The following USHBP1 variants were observed in gnomAD, a reference collection of about 807,000 sequenced individuals.
The protein encoded by USHBP1 is harmonin-binding protein USHBP1.
Under a neutral mutation model 76.2 loss-of-function variants are expected in USHBP1, and 67 were observed. That is an observed-to-expected ratio of 0.88 (90% CI 0.72 to 1.08). The LOEUF is 1.08. Ranked by LOEUF, USHBP1 falls within the 50% of genes least tolerant of loss-of-function variation. The probability of loss-of-function intolerance (pLI) is 0.00; values close to 1 mark genes in which losing one functional copy is unlikely to be tolerated. For synonymous variants in USHBP1, 322 were observed against 362.2 expected (o/e 0.89, Z 1.26); for missense variants, 931 against 915.0 (o/e 1.02, Z -0.23).
At chr19:17,255,755 C>T (rs983567571) in intron 9 of USHBP1, 149 bp from the exon 10 acceptor site, 32 of 838,008 alleles carry the variant, frequency 3.8e-5, no homozygotes, top group Non-Finnish European at 5.3e-5. Context: ...AATCCCAGCA[C>T]TTTGGGAGGC....
chr19:17,256,451 TG>T lies in USHBP1; in HGVS notation c.1470+19del. On this transcript the variant is annotated intron_variant, in intron 9 of 12. Coordinates refer to ENST00000252597, the MANE Select transcript of USHBP1 (RefSeq NM_031941.4). ...GTCCCACCAAGAAAGACTGACACAG[TG>T]GCCACAGCCCATTTGTACCCTTGCG... 1 of 1,611,896 alleles carries T rather than the reference TG, an allele frequency of 6.2e-7. No homozygotes were observed.
At chr19:17,257,161 C>T (rs1194501796) in intron 8 of USHBP1, among the ~76,000 whole-genome samples, 2 of 150,412 alleles carry the variant, frequency 1.3e-5, no homozygotes, top group Non-Finnish European at 3.0e-5. Context: ...GGTAGGACTA[C>T]AGGCGCTTGC....
Position 17,263,936 on chromosome 19 carries a change from G to A in USHBP1, c.203+66C>T, listed in dbSNP as rs2073721170. ...GTGTGTGAGCAGAGCAGGCACATCAGCAGATCTGTGGATGGCAAAGATGCG... is the reference window on the plus strand; with the variant it reads ...GTGTGTGAGCAGAGCAGGCACATCAACAGATCTGTGGATGGCAAAGATGCG... On this transcript the variant is annotated intron_variant, in intron 3 of 12. Transcript: ENST00000252597. 1.0e-5 allele frequency: 15 copies of A among 1,454,858 alleles called. No homozygotes were observed. In the South Asian group the frequency reaches 1.9e-4, roughly 18 times the overall value. 90.1% of individuals were successfully genotyped at this position (1,454,858 alleles called of 1,614,324 possible). A position where few individuals can be genotyped will look rare whatever the true frequency, so the allele number is the denominator to read the frequency against.
At chr19:17,257,338 C>T (rs1165953358) in intron 8 of USHBP1, among the ~76,000 whole-genome samples, 1 of 146,512 alleles carries the variant, frequency 6.8e-6, no homozygotes, top group Admixed American at 6.8e-5. Context: ...GCCGAGAATC[C>T]GTCTTCATAA....
At chr19:17,263,759 C>G (rs1442259420) in intron 3 of USHBP1, 3 of 472,536 alleles carry the variant, frequency 6.3e-6, no homozygotes, top group Non-Finnish European at 7.3e-6. Flanking sequence ...GTAATCCCAA[C>G]TACTCAGGAA....
rs375036076 is a variant in USHBP1, at chr19:17,259,400, C to T, written c.935G>A (p.Arg312His). The change falls in exon 7 of 13, where the codon CGT becomes CAT. Residue 312 changes from arginine (R) to histidine (H), a missense_variant. Coordinates refer to ENST00000252597, the MANE Select transcript of USHBP1 (RefSeq NM_031941.4). ...GSIEKLKCFN[R>H]LLSAVLQGYK... ...TCCCTGTAGCACAGCTGATAGCAGA[C>T]GATTAAAGCATTTGAGCTTCTCAAT... is the stretch of plus-strand genomic sequence containing the variant. 18 of 1,613,976 alleles carry T rather than the reference C, an allele frequency of 1.1e-5. No homozygotes were observed. Among genetic ancestry groups the T allele is most frequent in the Middle Eastern group, 1.6e-4 (1 of 6,084 alleles).
chr19:17,250,532 C>A, intron 12 of USHBP1, 118 bp from the exon 13 acceptor site: 1 of 1,187,486 alleles, frequency 8.4e-7, no homozygotes. Context: ...AGGGTCCCAG[C>A]TAGCTGGTCT....
At position 17,251,527 on chromosome 19, in the gene USHBP1, A is replaced by G. The variant is rs1599463936; in HGVS notation, c.1922+55T>C. ...CCAGAGACAGCCAGGGATACTTCTG[A>G]TATCCTGGTGGGGGATGGTGCCAGG... On this transcript the variant is annotated intron_variant, in intron 12 of 12. Transcript: ENST00000252597. The G allele has an allele frequency of 2.3e-5, 37 of 1,605,722 alleles. No individual in the cohort carries two copies. In the South Asian group the frequency reaches 4.1e-4, roughly 18 times the overall value.
At chr19:17,254,652 G>C (rs996031787) in intron 10 of USHBP1, among the ~76,000 whole-genome samples, 8 of 149,046 alleles carry the variant, frequency 5.4e-5, no homozygotes, top group African/African-American at 2.0e-4. Context: ...GCAAAACTCT[G>C]TCTCAAAAAA....
At chr19:17,260,092 T>C in intron 4 of USHBP1, 70 bp from the exon 5 acceptor site, 2 of 1,519,098 alleles carry the variant, frequency 1.3e-6, no homozygotes, top group Non-Finnish European at 1.8e-6. Flanking sequence ...CCCCAAGGCC[T>C]GTTCTTGGGG....
chr19:17,259,722 G>C lies in USHBP1; in HGVS notation c.779C>G (p.Ser260Cys). ...GCGCCGAAGCAGGGGGTGAGCCAGG[G>C]AGAAGGAGTCCTGCCAAGAAGAAGT... ...REPWETQDSF[S>C]LAHPLLRRLR... The change falls in exon 6 of 13, where the codon TCC (serine) becomes TGC (cysteine). Residue 260 changes from serine to cysteine, a missense_variant. By Grantham distance (112) the Ser-to-Cys change is moderately radical. Coordinates refer to ENST00000252597, the MANE Select transcript of USHBP1 (RefSeq NM_031941.4). The C allele has an allele frequency of 6.2e-7, 1 of 1,611,078 alleles. No individual in the cohort carries two copies. Among genetic ancestry groups the C allele is most frequent in the Non-Finnish European group, 8.5e-7 (1 of 1,178,830 alleles).
Position 17,250,750 on chromosome 19 carries a change from G to C in USHBP1, c.1923-336C>G, listed in dbSNP as rs148393012. Reference sequence around the variant, plus strand: ...GTATTTTTTAATAGAGACAGGGTTTGACCATGTTGCCCAGACTGGTCTTGA... The same window carrying C: ...GTATTTTTTAATAGAGACAGGGTTTCACCATGTTGCCCAGACTGGTCTTGA... On this transcript the variant is annotated intron_variant, in intron 12 of 12. Coordinates refer to ENST00000252597, the MANE Select transcript of USHBP1 (RefSeq NM_031941.4). Among the ~76,000 whole-genome samples the C allele has an allele frequency of 1.9e-3, 289 of 151,678 alleles. 1 individual carries two copies. Among genetic ancestry groups the C allele is most frequent in the African/African-American group, 6.8e-3 (280 of 41,340 alleles).
Position 17,259,996 on chromosome 19 carries a change from C to G in USHBP1, c.669G>C (p.Leu223Phe), listed in dbSNP as rs755851261. Residue 223 changes from leucine (L) to phenylalanine (F), a missense_variant, in exon 5 of 13, where the codon TTG (leucine) becomes TTC (phenylalanine). By Grantham distance (22) the Leu-to-Phe change is conservative. Transcript: ENST00000252597. ...AAAGATGTGGGCAGGGCTCCAGCCT[C>G]AAGAGGGAATCCTGCAGCTCTTGAA... Reference protein sequence around the residue: ...KEVQELQDSLLRLEPCPHLSH... With the variant: ...KEVQELQDSLFRLEPCPHLSH... 1 of 1,613,768 alleles carries G rather than the reference C, an allele frequency of 6.2e-7. No individual in the cohort carries two copies. The highest frequency in any genetic ancestry group is 2.2e-5 in the East Asian group (1 of 44,854).
chr19:17,249,676 G>A lies in USHBP1; in HGVS notation c.*549C>T, dbSNP rs768908495. 58 of 153,330 alleles carry A rather than the reference G, an allele frequency of 3.8e-4. No individual in the cohort carries two copies. Among genetic ancestry groups the A allele is most frequent in the Non-Finnish European group, 7.5e-4 (52 of 69,002 alleles). The allele number at this position is 153,330 out of a possible 1,614,324, so 9.5% of individuals were successfully genotyped here. ...ATTTTTGTATTTTTTTGTAGAAATG[G>A]GGTTTTGCCATGTTGCCCAGGCTGG... On this transcript the variant is annotated 3_prime_UTR_variant, in exon 13 of 13. Coordinates refer to ENST00000252597, the MANE Select transcript of USHBP1 (RefSeq NM_031941.4).
intron 12 of USHBP1, among the ~76,000 whole-genome samples, chr19:17,251,189 A>G (rs1268550180): frequency 3.5e-5 from 4 of 114,740 alleles, no homozygotes; most frequent in African/African-American, 1.3e-4. Flanking sequence ...TTTTTTTTTT[A>G]GACAGAGTCT....
intron 8 of USHBP1, among the ~76,000 whole-genome samples, chr19:17,257,566 C>T (rs1038776898): frequency 2.8e-5 from 4 of 144,900 alleles, no homozygotes; most frequent in African/African-American, 7.6e-5. Context: ...CCCTTGAACC[C>T]GGGAGGCAGA....
chr19:17,257,369 G>A (rs1277908700), intron 8 of USHBP1, among the ~76,000 whole-genome samples: 3 of 147,184 alleles, frequency 2.0e-5, no homozygotes, highest in Non-Finnish European at 4.5e-5. Context: ...GCGGCCGGGC[G>A]CAGTGCCTAA....
Position 17,255,409 on chromosome 19 carries a change from G to C in USHBP1, c.1668C>G (p.Ser556Arg), listed in dbSNP as rs750336314. The change falls in exon 10 of 13, where the codon AGC becomes AGG. Residue 556 changes from serine to arginine, a missense_variant. Transcript: ENST00000252597. ...SGGHSSGGGS[S>R]GDEEEWYQGL... ...CCTGATACCACTCTTCCTCGTCCCC[G>C]CTGCTGCCACCTCCGCTGCTATGTC... The C allele has an allele frequency of 1.2e-6, 2 of 1,613,942 alleles. No individual in the cohort carries two copies. The highest frequency in any genetic ancestry group is 1.7e-6 in the Non-Finnish European group (2 of 1,179,930).
At chr19:17,258,410 T>C (rs2145587903) in intron 7 of USHBP1, 25 bp from the exon 8 acceptor site, 1 of 1,601,930 alleles carries the variant, frequency 6.2e-7, no homozygotes, top group Non-Finnish European at 8.5e-7. Context: ...TTCTGAGTGC[T>C]TCAGGACACT....
Sources: allele counts gnomAD v4.1 joint callset (sites outside exome capture counted in the v4.1 genomes callset), GRCh38; gene constraint gnomAD v4.1.1; transcripts MANE v1.5; gene names NCBI Gene and HGNC (gene_info 2026-07-23, HGNC 2026-07-21).